The following SPATA45 variants were observed in gnomAD, a reference collection of about 807,000 sequenced individuals.
The protein encoded by SPATA45 is spermatogenesis associated 45.
A neutral mutation model predicts 7.0 loss-of-function variants in SPATA45; 5 were observed. The ratio of observed to expected loss-of-function variants is 0.71; its 90% CI spans 0.37 to 1.50. SPATA45 has a LOEUF of 1.50. Among genes scored for constraint, SPATA45 ranks in the 40% most tolerant of loss-of-function variants. The probability of loss-of-function intolerance (pLI) is 0.03; values close to 1 mark genes in which losing one functional copy is unlikely to be tolerated. For synonymous variants in SPATA45, 40 were observed against 38.7 expected (o/e 1.03, Z -0.13); for missense variants, 111 against 114.9 (o/e 0.97, Z 0.16).
chr1:212,838,821 C>T (rs182322406), intron 1 of SPATA45, among the ~76,000 whole-genome samples: 1 of 151,656 alleles, frequency 6.6e-6, no homozygotes, highest in African/African-American at 2.4e-5. Context: ...CCCACCTCAG[C>T]CTCCCAAGTA....
intron 1 of SPATA45, among the ~76,000 whole-genome samples, chr1:212,844,556 G>A (rs1006141785): frequency 4.2e-4 from 64 of 151,904 alleles, no homozygotes; most frequent in Admixed American, 1.3e-3. Context: ...ATGCCTAATC[G>A]CCACTCACCA....
intron 1 of SPATA45, among the ~76,000 whole-genome samples, chr1:212,836,711 C>T (rs1663592282): frequency 6.7e-6 from 1 of 150,092 alleles, no homozygotes; most frequent in Admixed American, 6.7e-5. Flanking sequence ...TGCAGTGGCT[C>T]GATCTCAGCT....
In SPATA45 at chr1:212,830,396, G is replaced by C. The variant is rs1663462038; in HGVS notation, c.278-135C>G. ...GGTTTAGAAACACCAAATGGGCCGGGTGCGGTGGCTCACACCTGTAATCCC... is the reference window on the plus strand; with the variant it reads ...GGTTTAGAAACACCAAATGGGCCGGCTGCGGTGGCTCACACCTGTAATCCC... On this transcript the variant is annotated intron_variant, in intron 2 of 2. Transcript: ENST00000332912. The C allele has an allele frequency of 5.7e-6, 3 of 528,700 alleles. No individual in the cohort carries two copies. In the Middle Eastern group the frequency reaches 1.6e-3, roughly 289 times the overall value. 32.8% of individuals were successfully genotyped at this position (528,700 alleles called of 1,614,324 possible).
intron 2 of SPATA45, among the ~76,000 whole-genome samples, chr1:212,831,947 C>T (rs188492605): frequency 1.3e-5 from 2 of 150,980 alleles, no homozygotes; most frequent in African/African-American, 2.4e-5. Context: ...TCCTATCCCC[C>T]ACCCTGCTGT....
chr1:212,831,373 A>G (rs1663484169), intron 2 of SPATA45, among the ~76,000 whole-genome samples: 1 of 150,150 alleles, frequency 6.7e-6, no homozygotes. Context: ...CGGGAGGCTG[A>G]GAGGTAGGAG....
intron 1 of SPATA45, among the ~76,000 whole-genome samples, chr1:212,838,071 T>A (rs138969990): frequency 1.6e-4 from 24 of 151,122 alleles, no homozygotes; most frequent in African/African-American, 4.6e-4. Context: ...GAGGCCGAGG[T>A]GTATGGGTCA....
At chr1:212,833,186 A>G (rs1297469690) in intron 2 of SPATA45, among the ~76,000 whole-genome samples, 1 of 151,418 alleles carries the variant, frequency 6.6e-6, no homozygotes. Context: ...ATTTTGGTGC[A>G]CCCATCAACC....
chr1:212,843,205 G>A (rs1663724191), intron 1 of SPATA45, among the ~76,000 whole-genome samples: 1 of 151,176 alleles, frequency 6.6e-6, no homozygotes, highest in African/African-American at 2.4e-5. Flanking sequence ...CAGGAGAATT[G>A]CTTGAACTCC....
chr1:212,841,154 T>C (rs1044002696), intron 1 of SPATA45, among the ~76,000 whole-genome samples: 8 of 147,942 alleles, frequency 5.4e-5, no homozygotes, highest in Non-Finnish European at 1.2e-4. Flanking sequence ...GACACCATCT[T>C]TCCTTTTTTT....
rs572915250 is a variant in SPATA45 at position 212,832,554 on chromosome 1, C to T, written c.278-2293G>A. ...TTTTATTCATCACTGTATTGACAAGCACGTAGAAGAGTGCCTGACATCAAG... is the reference window on the plus strand; with the variant it reads ...TTTTATTCATCACTGTATTGACAAGTACGTAGAAGAGTGCCTGACATCAAG... On this transcript the variant is annotated intron_variant, in intron 2 of 2. Transcript: ENST00000332912. Among the ~76,000 whole-genome samples the T allele has an allele frequency of 4.6e-5, 7 of 151,286 alleles. No individual in the cohort carries two copies. In the East Asian group the frequency reaches 1.2e-3, roughly 25 times the overall value.
intron 1 of SPATA45, among the ~76,000 whole-genome samples, chr1:212,844,464 C>A (rs1179027145): frequency 6.6e-6 from 1 of 152,172 alleles, no homozygotes; most frequent in East Asian, 1.9e-4. Flanking sequence ...TCTCTCTGAT[C>A]CACCTGACAT....
intron 1 of SPATA45, 109 bp downstream of exon 1, chr1:212,847,471 C>T (rs1374084632): frequency 6.6e-6 from 1 of 152,058 alleles, no homozygotes; most frequent in Non-Finnish European, 1.5e-5. Flanking sequence ...TCAGTATTTG[C>T]TAATTTAATG....
Position 212,831,813 on chromosome 1 carries a change from T to A in SPATA45, c.278-1552A>T, listed in dbSNP as rs1048878824. Among the ~76,000 whole-genome samples, 20 of 151,220 alleles carry A rather than the reference T, an allele frequency of 1.3e-4. 1 individual carries two copies. Among genetic ancestry groups the A allele is most frequent in the African/African-American group, 4.4e-4 (18 of 41,302 alleles). ...TCGACCATCAGGACTAATCTCATTC[T>A]GTCCCTTATCCCTGTTTACACTGGA... On this transcript the variant is annotated intron_variant, in intron 2 of 2. Transcript: ENST00000332912.
intron 1 of SPATA45, among the ~76,000 whole-genome samples, chr1:212,845,392 T>C (rs1440766906): frequency 6.6e-6 from 1 of 152,186 alleles, no homozygotes; most frequent in Non-Finnish European, 1.5e-5. Context: ...ACACTTTCAC[T>C]GGATGGGTAG....
intron 1 of SPATA45, 119 bp from the exon 2 acceptor site, chr1:212,836,306 AGCCTCC>A: frequency 1.4e-6 from 1 of 731,628 alleles, no homozygotes; most frequent in South Asian, 1.9e-5. Context: ...ACCACCACCA[AGCCTCC>A]CACCCCACGC....
chr1:212,844,398 C>G (rs977915340), intron 1 of SPATA45, among the ~76,000 whole-genome samples: 1 of 152,208 alleles, frequency 6.6e-6, no homozygotes, highest in African/African-American at 2.4e-5. Flanking sequence ...CTGGCCTGGA[C>G]TTCAATCTGG....
intron 1 of SPATA45, among the ~76,000 whole-genome samples, chr1:212,837,890 G>T (rs915320088): frequency 6.6e-6 from 1 of 151,720 alleles, no homozygotes; most frequent in Non-Finnish European, 1.5e-5. Context: ...AAAAGCCCAC[G>T]CTGAGATTAC....
At chr1:212,838,994 C>T (rs1663633678) in intron 1 of SPATA45, among the ~76,000 whole-genome samples, 1 of 151,272 alleles carries the variant, frequency 6.6e-6, no homozygotes, top group African/African-American at 2.4e-5. Flanking sequence ...TGAGCACAGC[C>T]ACCAGGCCCA....
intron 1 of SPATA45, among the ~76,000 whole-genome samples, chr1:212,842,932 CA>C (rs35856086): frequency 2.3e-3 from 317 of 136,666 alleles, no homozygotes; most frequent in African/African-American, 4.7e-3. Context: ...ACTAAAAATA[CA>C]AAAAAAAAAA....
Sources: gnomAD v4.1 joint callset for allele counts (sites outside exome capture counted in the v4.1 genomes callset) on GRCh38, gnomAD v4.1.1 for gene constraint, MANE v1.5 for transcripts, NCBI Gene and HGNC (gene_info 2026-07-23, HGNC 2026-07-21) for gene names.